Variants in TMCO4 observed in about 807,000 individuals in gnomAD.
The protein encoded by TMCO4 is transmembrane and coiled-coil domain-containing protein 4.
A neutral mutation model predicts 64.7 loss-of-function variants in TMCO4; 58 were observed. The observed-to-expected ratio is 0.90, with a 90% confidence interval of 0.73 to 1.12. The LOEUF is 1.12. Among genes scored for constraint, TMCO4 ranks in the 50% most tolerant of loss-of-function variants. The pLI, the probability that TMCO4 is intolerant of heterozygous loss-of-function variation, is 0.00. For missense variants in TMCO4, 780 were observed against 825.9 expected (o/e 0.94, Z 0.68); for synonymous variants, 325 against 346.1 (o/e 0.94, Z 0.68).
Position 19,742,685 on chromosome 1 carries a change from C to A in TMCO4, c.878-1744G>T, listed in dbSNP as rs144837776. 7.5e-3 allele frequency among the ~76,000 whole-genome samples: 1,149 copies of A among 152,290 alleles called. 17 individuals carry two copies. Among genetic ancestry groups the A allele is most frequent in the African/African-American group, 0.026 (1,064 of 41,560 alleles). On this transcript the variant is annotated intron_variant, in intron 10 of 15. Transcript: ENST00000294543. ...AGCTCGATGGCTTCCACGGGTGTGA[C>A]CCACAGCAAGGCACCATGCCCTTCT...
chr1:19,777,026 C>CAAAAAAAAAAAA (rs59722797), intron 4 of TMCO4, among the ~76,000 whole-genome samples: 48 of 82,654 alleles, frequency 5.8e-4, no homozygotes, highest in Non-Finnish European at 8.9e-4. Context: ...GACACTGTCT[C>CAAAAAAAAAAAA]AAAAAAAAAA....
At chr1:19,762,927 C>G in intron 6 of TMCO4, among the ~76,000 whole-genome samples, 1 of 152,202 alleles carries the variant, frequency 6.6e-6, no homozygotes, top group Admixed American at 6.5e-5. Context: ...CGAAGGAACC[C>G]AGAGGCAGAA....
chr1:19,733,638 T>C (rs1019798744), intron 13 of TMCO4, among the ~76,000 whole-genome samples: 1 of 152,146 alleles, frequency 6.6e-6, no homozygotes, highest in African/African-American at 2.4e-5. Flanking sequence ...GCCTCATATA[T>C]ATATTTTGGG....
chr1:19,694,457 C>A lies in TMCO4; in HGVS notation c.1477G>T (p.Glu493Ter). 1 of 1,614,112 alleles carries A rather than the reference C, an allele frequency of 6.2e-7. No homozygotes were observed. The highest frequency in any genetic ancestry group is 8.5e-7 in the Non-Finnish European group (1 of 1,179,950). ...ACCACAGAGGTCAGGTCCACGTTCT[C>A]CACCCTCCTGTCCTGCAGCAGCACG... ...QPVLLQDRRV[E>*]NVDLTSVVSG... The change falls in exon 15 of 16, where the codon GAG becomes TAG. Residue 493 changes from glutamate (E) to a stop codon, truncating the protein, a stop_gained. Transcript: ENST00000294543. LOFTEE classifies it low-confidence loss of function (END_TRUNC).
At chr1:19,694,364 G>C (rs1303363686) in intron 15 of TMCO4, 70 bp downstream of exon 15, 113 of 1,383,500 alleles carry the variant, frequency 8.2e-5, no homozygotes, top group Non-Finnish European at 3.0e-5. Flanking sequence ...CTGTCTCCAG[G>C]GGACAGGGGT....
intron 15 of TMCO4, among the ~76,000 whole-genome samples, 165 bp downstream of exon 15, chr1:19,694,269 C>G (rs1177439858): frequency 1.3e-5 from 2 of 152,096 alleles, no homozygotes; most frequent in Non-Finnish European, 2.9e-5. Context: ...CCCGAAGTGC[C>G]GGGATTACAG....
chr1:19,760,562 A>G (rs1334450634), intron 6 of TMCO4, among the ~76,000 whole-genome samples: 2 of 152,326 alleles, frequency 1.3e-5, no homozygotes, highest in South Asian at 2.1e-4. Context: ...GACTACAGGC[A>G]TGTGCTTCCA....
At chr1:19,742,315 A>G (rs898102328) in intron 10 of TMCO4, among the ~76,000 whole-genome samples, 12 of 152,188 alleles carry the variant, frequency 7.9e-5, no homozygotes, top group Admixed American at 2.0e-4. Flanking sequence ...CAAGCACTGT[A>G]TTCCCAAAGC....
intron 13 of TMCO4, among the ~76,000 whole-genome samples, chr1:19,735,719 C>T (rs1051468573): frequency 2.0e-5 from 3 of 152,148 alleles, no homozygotes; most frequent in Admixed American, 6.5e-5. Context: ...CCTGTACTAA[C>T]GATCTTAAGT....
chr1:19,797,872 AAAGAG>A (rs61332646), intron 2 of TMCO4, among the ~76,000 whole-genome samples: 4,496 of 146,342 alleles, frequency 0.031, 247 homozygotes, highest in African/African-American at 0.086. Flanking sequence ...AAAAAAAAAA[AAAGAG>A]AGAAGAAAGA....
At position 19,740,902 on chromosome 1, in the gene TMCO4, C is replaced by A. The variant is rs185897921; in HGVS notation, c.917G>T (p.Arg306Leu). Residue 306 changes from arginine to leucine, a missense_variant, in exon 11 of 16, where the codon CGT becomes CTT. Transcript: ENST00000294543. Reference sequence around the variant, plus strand: ...TTCCCAGGCCAGGCAGTACTGCTCACGGCTGTGGGCCAGGGCAGCCCACGG... The same window carrying A: ...TTCCCAGGCCAGGCAGTACTGCTCAAGGCTGTGGGCCAGGGCAGCCCACGG... ...SAPWAALAHS[R>L]EQYCLAWEAK... 4.3e-6 allele frequency: 7 copies of A among 1,613,778 alleles called. No individual in the cohort carries two copies. Among genetic ancestry groups the A allele is most frequent in the Non-Finnish European group, 5.9e-6 (7 of 1,179,880 alleles).
At position 19,709,146 on chromosome 1, in the gene TMCO4, C is replaced by T. The variant is rs75668356; in HGVS notation, c.1265-8261G>A. Among the ~76,000 whole-genome samples, 254 of 152,308 alleles carry T rather than the reference C, an allele frequency of 1.7e-3. 2 individuals are homozygous for T. In the East Asian group the frequency reaches 0.04, roughly 24 times the overall value. On this transcript the variant is annotated intron_variant, in intron 13 of 15. Transcript: ENST00000294543. ...ATGAGGTTCACACTGGAAAGAATCG[C>T]TTAAAGGAGCCTGTTTGGACATATA...
At chr1:19,703,409 T>C (rs2095284741) in intron 13 of TMCO4, among the ~76,000 whole-genome samples, 1 of 151,166 alleles carries the variant, frequency 6.6e-6, no homozygotes, top group Non-Finnish European at 1.5e-5. Context: ...CTTGTGGCAC[T>C]CTCTTCCTTT....
At chr1:19,718,656 A>AAAAAAAAAAAC (rs2095367756) in intron 13 of TMCO4, among the ~76,000 whole-genome samples, 1 of 149,774 alleles carries the variant, frequency 6.7e-6, no homozygotes, top group Non-Finnish European at 1.5e-5. Context: ...CTCTCAAAAA[A>AAAAAAAAAAAC]AAAAAAAAAA....
chr1:19,736,408 C>T (rs1037327215), intron 13 of TMCO4, among the ~76,000 whole-genome samples: 1 of 152,280 alleles, frequency 6.6e-6, no homozygotes, highest in Non-Finnish European at 1.5e-5. Context: ...GAGGACACAA[C>T]CAAATCATAT....
intron 2 of TMCO4, among the ~76,000 whole-genome samples, chr1:19,791,078 T>C (rs1000178024): frequency 2.0e-5 from 3 of 152,124 alleles, no homozygotes; most frequent in Non-Finnish European, 4.4e-5. Flanking sequence ...AAACACCACA[T>C]GTTCTCACTT....
rs1452754911 is a variant in TMCO4, at chr1:19,770,528, G to C, written c.382+14C>G. ...GGGTACCCACCATTTACAGAGCTTA[G>C]AAAATCAACTTACCATCCTTGAGTG... is the stretch of plus-strand genomic sequence containing the variant. On this transcript the variant is annotated intron_variant, in intron 6 of 15. Coordinates refer to ENST00000294543, the MANE Select transcript of TMCO4 (RefSeq NM_181719.7). 1 of 1,613,836 alleles carries C rather than the reference G, an allele frequency of 6.2e-7. No homozygotes were observed. The highest frequency in any genetic ancestry group is 8.5e-7 in the Non-Finnish European group (1 of 1,179,814).
intron 13 of TMCO4, among the ~76,000 whole-genome samples, chr1:19,727,107 G>A (rs1388441272): frequency 2.0e-5 from 3 of 152,202 alleles, no homozygotes; most frequent in Non-Finnish European, 2.9e-5. Context: ...GCCTGGAGGC[G>A]TGGGAGGAGC....
At chr1:19,755,267 A>G (rs964488751) in intron 7 of TMCO4, among the ~76,000 whole-genome samples, 8 of 152,204 alleles carry the variant, frequency 5.3e-5, no homozygotes, top group African/African-American at 1.7e-4. Flanking sequence ...CTGGGATTAC[A>G]GGCACATGCC....
Sources: allele counts gnomAD v4.1 joint callset (sites outside exome capture counted in the v4.1 genomes callset), GRCh38; gene constraint gnomAD v4.1.1; transcripts MANE v1.5; gene names NCBI Gene and HGNC (gene_info 2026-07-23, HGNC 2026-07-21).